Variants in CERS6 observed in about 807,000 individuals in gnomAD.
CERS6 encodes the protein LAG1 homolog, ceramide synthase 6.
In CERS6, 26 loss-of-function variants were observed where a neutral mutation model predicts 56.8. That is an observed-to-expected ratio of 0.46 (90% CI 0.34 to 0.63). The LOEUF is 0.63. CERS6 is among the 30% of genes least tolerant of loss of function. The pLI is 0.01. For missense variants in CERS6, 415 were observed against 467.5 expected, an observed-to-expected ratio of 0.89 and a Z score of 1.04; for synonymous variants, 164 against 173.3, an observed-to-expected ratio of 0.95 and a Z score of 0.42.
chr2:168,752,314 T>A (rs1297781852), intron 8 of CERS6, among the ~76,000 whole-genome samples: 1 of 145,454 alleles, frequency 6.9e-6, no homozygotes, highest in African/African-American at 2.7e-5. Flanking sequence ...TGTGTGTGTG[T>A]GTGTATAGAG....
intron 4 of CERS6, among the ~76,000 whole-genome samples, chr2:168,682,612 G>T (rs1052395269): frequency 2.0e-5 from 3 of 152,146 alleles, no homozygotes; most frequent in African/African-American, 7.2e-5. Context: ...CTCCAGAGCT[G>T]CAGAGGTCAT....
At chr2:168,561,154 T>C in intron 2 of CERS6, 38 bp from the exon 3 acceptor site, 1 of 1,609,886 alleles carries the variant, frequency 6.2e-7, no homozygotes, top group Non-Finnish European at 8.5e-7. Flanking sequence ...AAAATGAAAA[T>C]GGATTGAAAA....
At chr2:168,545,254 T>C (rs913093157) in intron 1 of CERS6, among the ~76,000 whole-genome samples, 2 of 152,080 alleles carry the variant, frequency 1.3e-5, no homozygotes, top group Admixed American at 6.5e-5. Context: ...TAGCTAAATC[T>C]CCATAGCCAG....
chr2:168,733,792 T>A (rs1683627565), intron 8 of CERS6, among the ~76,000 whole-genome samples: 1 of 152,162 alleles, frequency 6.6e-6, no homozygotes, highest in African/African-American at 2.4e-5. Context: ...TGCCCAAGAA[T>A]CTGGATTGCA....
rs796089393 is a variant in CERS6, at chr2:168,771,429, T to C, written c.*1767T>C. On this transcript the variant is annotated 3_prime_UTR_variant, in exon 10 of 10. Coordinates refer to ENST00000305747, the MANE Select transcript of CERS6 (RefSeq NM_203463.3). ...CTTAGAAATACATCTGCTTGTTTAT[T>C]GAGAAAACGATGCAAATAATTCTGC... 24 of 152,348 alleles carry C rather than the reference T, an allele frequency of 1.6e-4. No individual in the cohort carries two copies. Among genetic ancestry groups the C allele is most frequent in the African/African-American group, 5.8e-4 (24 of 41,580 alleles). The allele number at this position is 152,348 out of a possible 1,614,324, so 9.4% of individuals were successfully genotyped here.
chr2:168,637,678 A>G (rs1156529551), intron 4 of CERS6, among the ~76,000 whole-genome samples: 1 of 152,200 alleles, frequency 6.6e-6, no homozygotes, highest in Non-Finnish European at 1.5e-5. Flanking sequence ...TAAATTATCA[A>G]AGTGACAAAA....
intron 8 of CERS6, among the ~76,000 whole-genome samples, chr2:168,740,535 G>C (rs571287394): frequency 4.1e-4 from 63 of 152,242 alleles, no homozygotes; most frequent in Non-Finnish European, 7.1e-4. Flanking sequence ...TTATGAAGAC[G>C]TATCAACTGC....
At chr2:168,667,844 T>TTAAAGTA (rs1685803581) in intron 4 of CERS6, among the ~76,000 whole-genome samples, 1 of 152,180 alleles carries the variant, frequency 6.6e-6, no homozygotes, top group African/African-American at 2.4e-5. Context: ...GAACAGATAT[T>TTAAAGTA]TAAAGTAAAA....
intron 8 of CERS6, among the ~76,000 whole-genome samples, chr2:168,731,548 C>G (rs1683533511): frequency 6.6e-6 from 1 of 151,992 alleles, no homozygotes; most frequent in Non-Finnish European, 1.5e-5. Flanking sequence ...GGGAAAACAT[C>G]ATCATACAGC....
chr2:168,732,171 T>C (rs574960560), intron 8 of CERS6, among the ~76,000 whole-genome samples: 5 of 152,148 alleles, frequency 3.3e-5, no homozygotes, highest in African/African-American at 4.8e-5. Flanking sequence ...ATTAAAAAAT[T>C]TAAGTAGATG....
intron 8 of CERS6, among the ~76,000 whole-genome samples, chr2:168,722,503 T>A (rs1683212606): frequency 6.6e-6 from 1 of 152,212 alleles, no homozygotes; most frequent in South Asian, 2.1e-4. Context: ...TGTGTGTGGA[T>A]ATTCAGTCAT....
chr2:168,517,213 C>G (rs926138160), intron 1 of CERS6, among the ~76,000 whole-genome samples: 1 of 151,498 alleles, frequency 6.6e-6, no homozygotes, highest in Non-Finnish European at 1.5e-5. Context: ...AAGCAGAGGC[C>G]GGGCACAGTG....
intron 8 of CERS6, among the ~76,000 whole-genome samples, chr2:168,739,712 T>G (rs1019880910): frequency 7.2e-5 from 11 of 152,150 alleles, no homozygotes; most frequent in Non-Finnish European, 1.3e-4. Flanking sequence ...ATGATGCAAC[T>G]GACTCCACTG....
intron 6 of CERS6, among the ~76,000 whole-genome samples, chr2:168,695,747 C>T (rs534654178): frequency 2.6e-5 from 4 of 152,270 alleles, no homozygotes; most frequent in African/African-American, 7.2e-5. Flanking sequence ...TTACAGGATG[C>T]CATCTCCCTG....
chr2:168,525,641 C>T (rs545408190), intron 1 of CERS6, among the ~76,000 whole-genome samples: 4 of 152,196 alleles, frequency 2.6e-5, no homozygotes, highest in South Asian at 4.1e-4. Context: ...TCCTATACAA[C>T]GGCCCGAGCC....
At chr2:168,719,379 A>G (rs528396974) in intron 8 of CERS6, among the ~76,000 whole-genome samples, 10 of 152,334 alleles carry the variant, frequency 6.6e-5, no homozygotes, top group South Asian at 4.1e-4. Context: ...GCTAAATTAT[A>G]CATTATAGCA....
intron 3 of CERS6, among the ~76,000 whole-genome samples, chr2:168,577,318 T>C (rs1683298681): frequency 2.6e-5 from 4 of 152,124 alleles, no homozygotes; most frequent in South Asian, 2.1e-4. Context: ...TCACAGTCCA[T>C]GTAGCAACAT....
At chr2:168,754,934 C>G (rs993452705) in intron 8 of CERS6, among the ~76,000 whole-genome samples, 1 of 152,094 alleles carries the variant, frequency 6.6e-6, no homozygotes, top group South Asian at 2.1e-4. Context: ...TGCTGTCACA[C>G]CCGGCTAATT....
intron 1 of CERS6, among the ~76,000 whole-genome samples, chr2:168,534,298 C>T (rs1256315172): frequency 6.6e-6 from 1 of 152,070 alleles, no homozygotes; most frequent in Non-Finnish European, 1.5e-5. Context: ...AAGAGTCATT[C>T]AGGCTTTTTG....
Sources: gnomAD v4.1 joint callset for allele counts (sites outside exome capture counted in the v4.1 genomes callset) on GRCh38, gnomAD v4.1.1 for gene constraint, MANE v1.5 for transcripts, NCBI Gene and HGNC (gene_info 2026-07-23, HGNC 2026-07-21) for gene names.